PDCD10: variants seen among roughly 807,000 people sequenced by gnomAD.
PDCD10 encodes programmed cell death protein 10.
In PDCD10, 4 loss-of-function variants were observed where a neutral mutation model predicts 29.2. The observed-to-expected ratio is 0.14, with a 90% CI of 0.07 to 0.31. The LOEUF (loss-of-function observed/expected upper bound fraction) is 0.31. PDCD10 is among the 10% of genes least tolerant of loss of function. The probability of loss-of-function intolerance (pLI) is 1.00; values close to 1 mark genes in which losing one functional copy is unlikely to be tolerated. For missense variants in PDCD10, 183 were observed against 257.9 expected, an observed-to-expected ratio of 0.71 and a Z score of 1.99; for synonymous variants, 70 against 82.2, an observed-to-expected ratio of 0.85 and a Z score of 0.80.
chr3:167,709,145 A>G (rs1226643953), intron 3 of PDCD10, among the ~76,000 whole-genome samples: 3 of 151,442 alleles, frequency 2.0e-5, no homozygotes, highest in African/African-American at 7.3e-5. Context: ...TTATCTTAAC[A>G]TGAAAAAAAA....
intron 3 of PDCD10, among the ~76,000 whole-genome samples, chr3:167,715,925 T>C (rs1467703717): frequency 1.3e-5 from 2 of 151,996 alleles, no homozygotes; most frequent in East Asian, 1.9e-4. Flanking sequence ...GCTGGGTATA[T>C]AGCCAAAAGA....
chr3:167,710,091 TA>T (rs1209210497), intron 3 of PDCD10, among the ~76,000 whole-genome samples: 4 of 152,102 alleles, frequency 2.6e-5, no homozygotes, highest in Admixed American at 1.3e-4. Flanking sequence ...GATACCCAGG[TA>T]GTACACTGTA....
chr3:167,698,979 T>C (rs1721093879), intron 4 of PDCD10, among the ~76,000 whole-genome samples: 1 of 152,198 alleles, frequency 6.6e-6, no homozygotes, highest in Non-Finnish European at 1.5e-5. Context: ...GTGCTGTTTA[T>C]TAAATACTTA....
At chr3:167,705,807 CAAAGA>C (rs1721914792) in intron 3 of PDCD10, among the ~76,000 whole-genome samples, 1 of 152,018 alleles carries the variant, frequency 6.6e-6, no homozygotes, top group African/African-American at 2.4e-5. Context: ...TCATAATTAA[CAAAGA>C]TATGTTTCCA....
At chr3:167,717,880 C>T (rs1385316987) in intron 3 of PDCD10, among the ~76,000 whole-genome samples, 1 of 151,976 alleles carries the variant, frequency 6.6e-6, no homozygotes, top group Non-Finnish European at 1.5e-5. Context: ...AGAAAAAGGC[C>T]ACTGAAATTG....
chr3:167,705,042 A>AT (rs956424305), intron 3 of PDCD10, 147 bp from the exon 4 acceptor site: 3 of 538,604 alleles, frequency 5.6e-6, no homozygotes, highest in Non-Finnish European at 9.9e-6. Context: ...TAATTCTTCA[A>AT]TTAGGCTATC....
intron 3 of PDCD10, among the ~76,000 whole-genome samples, chr3:167,709,212 C>T (rs998383468): frequency 1.1e-4 from 16 of 151,878 alleles, no homozygotes; most frequent in Non-Finnish European, 1.8e-4. Flanking sequence ...TTGATGGTCC[C>T]CTCTGCAGGA....
chr3:167,713,783 A>AAT (rs1474153120), intron 3 of PDCD10, among the ~76,000 whole-genome samples: 4 of 152,030 alleles, frequency 2.6e-5, no homozygotes, highest in Middle Eastern at 3.2e-3. Flanking sequence ...ACAGTATGGC[A>AAT]ATAAATTGAA....
At position 167,683,343 on chromosome 3, in the gene PDCD10, T is replaced by C. The variant is rs186080861; in HGVS notation, c.*965A>G. On this transcript the variant is annotated 3_prime_UTR_variant, in exon 9 of 9. Coordinates refer to ENST00000392750, the MANE Select transcript of PDCD10 (RefSeq NM_007217.4). ...TTTATAATTGAAAAATGAAACCACT[T>C]AACATGAACACTTGATACATAATTT... The C allele has an allele frequency of 1.5e-3, 228 of 152,152 alleles. No individual in the cohort carries two copies. Among genetic ancestry groups the C allele is most frequent in the African/African-American group, 5.3e-3 (219 of 41,562 alleles). 9.4% of individuals were successfully genotyped at this position (152,152 alleles called of 1,614,324 possible).
At chr3:167,733,710 A>C (rs1725057583) in intron 2 of PDCD10, among the ~76,000 whole-genome samples, 1 of 152,220 alleles carries the variant, frequency 6.6e-6, no homozygotes, top group Non-Finnish European at 1.5e-5. Flanking sequence ...TCCCACTATT[A>C]TCAGTTTTAC....
At chr3:167,704,227 T>C (rs967702085) in intron 4 of PDCD10, among the ~76,000 whole-genome samples, 1 of 152,210 alleles carries the variant, frequency 6.6e-6, no homozygotes, top group Non-Finnish European at 1.5e-5. Context: ...CAAATACTTT[T>C]AAATTTTTAC....
intron 3 of PDCD10, 130 bp downstream of exon 3, chr3:167,719,932 C>T (rs937165700): frequency 2.7e-6 from 2 of 735,980 alleles, no homozygotes; most frequent in South Asian, 1.5e-5. Flanking sequence ...TGCCCTGATA[C>T]AATGCCTAAC....
intron 3 of PDCD10, among the ~76,000 whole-genome samples, chr3:167,713,399 C>T (rs79859901): frequency 2.0e-5 from 3 of 151,956 alleles, no homozygotes; most frequent in East Asian, 1.9e-4. Flanking sequence ...AACAGAAACA[C>T]AACATACCAA....
chr3:167,731,604 T>C (rs1230187500), intron 2 of PDCD10, among the ~76,000 whole-genome samples: 3 of 152,214 alleles, frequency 2.0e-5, no homozygotes, highest in Admixed American at 6.5e-5. Flanking sequence ...CACTCCTTCA[T>C]TCATTCAGCA....
intron 3 of PDCD10, among the ~76,000 whole-genome samples, chr3:167,708,895 TTACAA>T (rs1312913775): frequency 2.0e-5 from 3 of 152,164 alleles, no homozygotes; most frequent in African/African-American, 7.2e-5. Flanking sequence ...TTTAAACACT[TTACAA>T]TACATCAACT....
intron 2 of PDCD10, among the ~76,000 whole-genome samples, chr3:167,722,741 G>A (rs1723708226): frequency 1.3e-5 from 2 of 152,144 alleles, no homozygotes; most frequent in South Asian, 2.1e-4. Context: ...AACTGCAGAT[G>A]TACAGGCTGC....
chr3:167,713,209 T>C (rs972381293), intron 3 of PDCD10, among the ~76,000 whole-genome samples: 1 of 151,976 alleles, frequency 6.6e-6, no homozygotes, highest in Non-Finnish European at 1.5e-5. Flanking sequence ...ATACAAGTCT[T>C]AAAACATTCA....
intron 6 of PDCD10, among the ~76,000 whole-genome samples, chr3:167,691,925 T>A (rs1720284889): frequency 6.6e-6 from 1 of 152,164 alleles, no homozygotes; most frequent in African/African-American, 2.4e-5. Flanking sequence ...TTGTGATAAG[T>A]AAATAAATGT....
intron 2 of PDCD10, among the ~76,000 whole-genome samples, chr3:167,725,756 G>T (rs1381262946): frequency 1.0e-5 from 1 of 98,246 alleles, no homozygotes; most frequent in Non-Finnish European, 2.0e-5. Flanking sequence ...CTTTACCATT[G>T]TATCGTTTAT....
Sources: allele counts gnomAD v4.1 joint callset (sites outside exome capture counted in the v4.1 genomes callset), GRCh38; gene constraint gnomAD v4.1.1; transcripts MANE v1.5; gene names NCBI Gene and HGNC (gene_info 2026-07-23, HGNC 2026-07-21).